The following PTP4A2 variants were observed in gnomAD, a reference collection of about 807,000 sequenced individuals.
PTP4A2 encodes the protein protein tyrosine phosphatase 4A2, also known as protein tyrosine phosphatase type IVA 2.
PTP4A2 carries 2 observed loss-of-function variants against 22.9 expected under a neutral mutation model. That is an observed-to-expected ratio of 0.09 (90% CI 0.04 to 0.27). PTP4A2 has a LOEUF of 0.27. Among genes scored for constraint, PTP4A2 ranks in the 10% least tolerant of loss-of-function variants. The pLI is 1.00. For synonymous variants in PTP4A2, 68 were observed against 69.1 expected (o/e 0.98, Z 0.08); for missense variants, 103 against 205.1 (o/e 0.50, Z 3.04).
At chr1:31,927,977 G>GCTC (rs1223787422) in intron 1 of PTP4A2, among the ~76,000 whole-genome samples, 1 of 151,272 alleles carries the variant, frequency 6.6e-6, no homozygotes, top group East Asian at 1.9e-4. Context: ...TAGTAAACAC[G>GCTC]CATCTTCTGA....
At chr1:31,924,822 C>A (rs1418084483) in intron 1 of PTP4A2, among the ~76,000 whole-genome samples, 1 of 151,756 alleles carries the variant, frequency 6.6e-6, no homozygotes, top group African/African-American at 2.4e-5. Flanking sequence ...CAAAAGAATA[C>A]AACTTCAATG....
chr1:31,922,957 A>T (rs1286716591), intron 1 of PTP4A2, among the ~76,000 whole-genome samples: 3 of 148,574 alleles, frequency 2.0e-5, no homozygotes, highest in Admixed American at 1.3e-4. Flanking sequence ...TTTGAGAGAG[A>T]GTCTTACTCT....
intron 1 of PTP4A2, among the ~76,000 whole-genome samples, chr1:31,936,445 C>A (rs2124285394): frequency 6.6e-6 from 1 of 152,112 alleles, no homozygotes; most frequent in East Asian, 1.9e-4. Flanking sequence ...CTACTCTTTG[C>A]TTATACTGAA....
At chr1:31,910,201 G>A (rs550085957) in intron 4 of PTP4A2, 89 bp from the exon 5 acceptor site, 20 of 933,374 alleles carry the variant, frequency 2.1e-5, no homozygotes, top group Admixed American at 1.3e-4. Flanking sequence ...CCAATGCAAC[G>A]CATGAGCTTT....
At chr1:31,922,335 T>A (rs1449498811) in intron 1 of PTP4A2, among the ~76,000 whole-genome samples, 2 of 152,088 alleles carry the variant, frequency 1.3e-5, no homozygotes, top group Non-Finnish European at 2.9e-5. Flanking sequence ...AATACAAAAT[T>A]AGTTGGGCGT....
intron 1 of PTP4A2, among the ~76,000 whole-genome samples, chr1:31,935,288 G>T (rs933586752): frequency 6.6e-6 from 1 of 152,052 alleles, no homozygotes; most frequent in African/African-American, 2.4e-5. Flanking sequence ...CACACCCCGG[G>T]GCCCCAAGAG....
rs779740694 is a variant in PTP4A2, at chr1:31,911,753, T to G, written c.263A>C (p.Lys88Thr). The G allele has an allele frequency of 5.6e-6, 9 of 1,606,992 alleles. No individual in the cohort carries two copies. The South Asian group carries it at 1.0e-4, about 18-fold the overall frequency. ...VDDWLNLLKT[K>T]FREEPGCCVA... is the part of the protein sequence containing the mutation. ...ACAGCAACCTGGCTCTTCACGAAATTTGGTTTTTAACAGGTTTAACCAATC... is the reference window on the plus strand; with the variant it reads ...ACAGCAACCTGGCTCTTCACGAAATGTGGTTTTTAACAGGTTTAACCAATC... The change falls in exon 4 of 6, where the codon AAA (lysine) becomes ACA (threonine). Residue 88 changes from lysine to threonine, a missense_variant. Lys to Thr is a moderately conservative substitution (Grantham distance 78). Around this residue, in one of 3 missense-constraint regions of PTP4A2, gnomAD observed 66 missense variants for 113.0 expected, o/e 0.58. Transcript: ENST00000647444.
chr1:31,907,107 A>G lies in PTP4A2; in HGVS notation c.*1745T>C, dbSNP rs1487747452. On this transcript the variant is annotated 3_prime_UTR_variant, in exon 6 of 6. Coordinates refer to ENST00000647444, the MANE Select transcript of PTP4A2 (RefSeq NM_080391.4). ...AGCATAGGAAATAGGCAGTTCACAT[A>G]GCCGGTCAACATGTGAGGTATCATC... The G allele has an allele frequency of 6.6e-6, 1 of 152,218 alleles. No individual in the cohort carries two copies. Among genetic ancestry groups the G allele is most frequent in the African/African-American group, 2.4e-5 (1 of 41,454 alleles). The allele number at this position is 152,218 out of a possible 1,614,324, so 9.4% of individuals were successfully genotyped here.
At chr1:31,935,704 G>A (rs954671381) in intron 1 of PTP4A2, 1 of 152,188 alleles carries the variant, frequency 6.6e-6, no homozygotes, top group Admixed American at 6.5e-5. Context: ...GGATGCAAAT[G>A]AAGATACCAC....
chr1:31,931,222 A>C (rs1031215524), intron 1 of PTP4A2: 1 of 152,248 alleles, frequency 6.6e-6, no homozygotes, highest in African/African-American at 2.4e-5. Flanking sequence ...AAAGATACAA[A>C]GTAAGCGTGA....
intron 2 of PTP4A2, among the ~76,000 whole-genome samples, chr1:31,917,856 C>T (rs1362890443): frequency 6.6e-6 from 1 of 150,834 alleles, no homozygotes; most frequent in Non-Finnish European, 1.5e-5. Flanking sequence ...CGCCTGTAGT[C>T]CCAGCTACTT....
At chr1:31,909,533 G>A (rs539593521) in intron 5 of PTP4A2, among the ~76,000 whole-genome samples, 6 of 152,160 alleles carry the variant, frequency 3.9e-5, no homozygotes, top group South Asian at 2.1e-4. Flanking sequence ...TTAGCTGGGC[G>A]TGGTGGTGCG....
Position 31,919,381 on chromosome 1 carries a change from G to C in PTP4A2, c.-316C>G, listed in dbSNP as rs1261022618. The C allele has an allele frequency of 1.2e-5, 2 of 166,826 alleles. No individual in the cohort carries two copies. The highest frequency in any genetic ancestry group is 1.7e-4 in the East Asian group (1 of 5,718). The allele number at this position is 166,826 out of a possible 1,614,324, so 10.3% of individuals were successfully genotyped here. On this transcript the variant is annotated 5_prime_UTR_variant, in exon 2 of 6. Transcript: ENST00000647444. The stretch of plus-strand genomic sequence containing the variant: ...CAGCCTTTACTACATTTAGGCACTA[G>C]TGAGACAAGTTAAAAGTGTAGGTCA...
At chr1:31,928,145 T>C (rs1652551009) in intron 1 of PTP4A2, among the ~76,000 whole-genome samples, 1 of 148,290 alleles carries the variant, frequency 6.7e-6, no homozygotes, top group African/African-American at 2.5e-5. Context: ...CCTTGAAACT[T>C]AGATTTAAAT....
In PTP4A2 at chr1:31,908,666, T is replaced by C. The variant is rs1272228078; in HGVS notation, c.*186A>G. On this transcript the variant is annotated 3_prime_UTR_variant, in exon 6 of 6. Coordinates refer to ENST00000647444, the MANE Select transcript of PTP4A2 (RefSeq NM_080391.4). ...TTTTCTCTTTCTCTTTTCTTAAACATTTTATTCATTTTATAGAGAGATTTC... is the reference window on the plus strand; with the variant it reads ...TTTTCTCTTTCTCTTTTCTTAAACACTTTATTCATTTTATAGAGAGATTTC... The C allele has an allele frequency of 9.9e-6, 4 of 402,930 alleles. No individual in the cohort carries two copies. The highest frequency in any genetic ancestry group is 1.8e-5 in the Non-Finnish European group (4 of 226,694). 25.0% of individuals were successfully genotyped at this position (402,930 alleles called of 1,614,324 possible). A position where few individuals can be genotyped will look rare whatever the true frequency, so the allele number is the denominator to read the frequency against.
At chr1:31,931,850 C>A (rs1401503850) in intron 1 of PTP4A2, among the ~76,000 whole-genome samples, 2 of 152,188 alleles carry the variant, frequency 1.3e-5, no homozygotes, top group Non-Finnish European at 2.9e-5. Flanking sequence ...TGACTCATAT[C>A]CTTCTGCACT....
At position 31,924,668 on chromosome 1, in the gene PTP4A2, G is replaced by C. The variant is rs115857497; in HGVS notation, c.-593-5010C>G. 4.5e-3 allele frequency among the ~76,000 whole-genome samples: 684 copies of C among 152,224 alleles called. 4 individuals carry two copies. The highest frequency in any genetic ancestry group is 0.016 in the African/African-American group (648 of 41,524). On this transcript the variant is annotated intron_variant, in intron 1 of 5. Coordinates refer to ENST00000647444, the MANE Select transcript of PTP4A2 (RefSeq NM_080391.4). ...TTTTAACTTACCAAGTGATGAAAAA[G>C]GCTAGTTTACTTGACATATAACAGT...
chr1:31,931,224 TAAGCG>T (rs1652713047), intron 1 of PTP4A2: 1 of 152,214 alleles, frequency 6.6e-6, no homozygotes, highest in African/African-American at 2.4e-5. Flanking sequence ...AGATACAAAG[TAAGCG>T]TGAGAAGAAT....
At chr1:31,925,683 C>G (rs964611470) in intron 1 of PTP4A2, among the ~76,000 whole-genome samples, 1 of 151,858 alleles carries the variant, frequency 6.6e-6, no homozygotes, top group African/African-American at 2.4e-5. Context: ...TGGCGTGAAC[C>G]CGGGAGGCAG....
Sources: gnomAD v4.1 joint callset for allele counts (sites outside exome capture counted in the v4.1 genomes callset) on GRCh38, gnomAD v4.1.1 for gene constraint, gnomAD v4.1.1 regional missense constraint, MANE v1.5 for transcripts, NCBI Gene and HGNC (gene_info 2026-07-23, HGNC 2026-07-21) for gene names.